WDR72: variants seen among roughly 807,000 people sequenced by gnomAD.
The protein encoded by WDR72 is WD repeat domain 72.
In WDR72, 120 loss-of-function variants were observed where a neutral mutation model predicts 124.2. The observed-to-expected ratio is 0.97, with a 90% CI of 0.83 to 1.12. WDR72 has a LOEUF of 1.12. WDR72 is among the 50% of genes most tolerant of loss of function. The pLI is 0.00. For missense variants in WDR72, 1,387 were observed against 1,278.8 expected (o/e 1.08, Z -1.29); for synonymous variants, 452 against 441.7 (o/e 1.02, Z -0.29).
Position 53,555,089 on chromosome 15 carries a change from C to T in WDR72, c.3149-31767G>A, listed in dbSNP as rs562766225. Among the ~76,000 whole-genome samples the T allele has an allele frequency of 3.3e-5, 5 of 151,936 alleles. No homozygotes were observed. In the East Asian group the frequency reaches 5.8e-4, roughly 18 times the overall value. The stretch of plus-strand genomic sequence containing the variant: ...CATTTTGGAGTCAAGGAAACTGATA[C>T]GGAGAGATTTAATGATTCATCTGAG... On this transcript the variant is annotated intron_variant, in intron 18 of 19. Transcript: ENST00000360509.
chr15:53,755,808 C>A (rs749600089), intron 1 of WDR72, among the ~76,000 whole-genome samples: 2 of 152,192 alleles, frequency 1.3e-5, no homozygotes, highest in African/African-American at 2.4e-5. Context: ...AGAAGAGTTT[C>A]TCCAAGGAAG....
At chr15:53,612,103 T>C (rs2013564574) in intron 16 of WDR72, among the ~76,000 whole-genome samples, 1 of 152,146 alleles carries the variant, frequency 6.6e-6, no homozygotes. Flanking sequence ...AGCTGGATCT[T>C]GAATCTCAGC....
intron 19 of WDR72, among the ~76,000 whole-genome samples, chr15:53,522,521 T>G (rs982012750): frequency 1.8e-4 from 27 of 152,092 alleles, no homozygotes; most frequent in African/African-American, 5.8e-4. Context: ...ACAAGATTTT[T>G]TGATTCTAAT....
chr15:53,559,926 T>C (rs1276094249), intron 18 of WDR72, among the ~76,000 whole-genome samples: 1 of 151,986 alleles, frequency 6.6e-6, no homozygotes, highest in Non-Finnish European at 1.5e-5. Context: ...ATGATAAGCC[T>C]ATTGGATAAT....
chr15:53,605,145 A>G (rs1393050634), intron 17 of WDR72, among the ~76,000 whole-genome samples: 1 of 152,260 alleles, frequency 6.6e-6, no homozygotes, highest in Non-Finnish European at 1.5e-5. Flanking sequence ...ACTCCATGGA[A>G]TACTATGCAG....
At chr15:53,594,789 C>G (rs933201901) in intron 18 of WDR72, among the ~76,000 whole-genome samples, 1 of 151,318 alleles carries the variant, frequency 6.6e-6, no homozygotes, top group East Asian at 2.0e-4. Flanking sequence ...CTGCACCCCC[C>G]ACCCCCCCAA....
At chr15:53,555,703 G>A (rs1893905356) in intron 18 of WDR72, among the ~76,000 whole-genome samples, 1 of 151,884 alleles carries the variant, frequency 6.6e-6, no homozygotes, top group Admixed American at 6.6e-5. Flanking sequence ...TGATTTATTT[G>A]TTTTACATTC....
intron 13 of WDR72, among the ~76,000 whole-genome samples, chr15:53,683,217 CA>C (rs1445008721): frequency 6.6e-6 from 1 of 152,108 alleles, no homozygotes; most frequent in Admixed American, 6.5e-5. Flanking sequence ...GACACAGAGC[CA>C]AACCCTATCA....
chr15:53,759,691 G>A (rs371741068), upstream of WDR72: 1,517 of 150,068 alleles, frequency 0.01, 19 homozygotes, highest in South Asian at 0.031. Flanking sequence ...CTCGCCCTTA[G>A]GGTCACGGGT....
intron 1 of WDR72, among the ~76,000 whole-genome samples, chr15:53,750,909 TGAGCA>T (rs1355151985): frequency 2.6e-5 from 4 of 152,150 alleles, no homozygotes; most frequent in African/African-American, 9.7e-5. Context: ...TTCTTATGAA[TGAGCA>T]AAGAAAGTGG....
intron 18 of WDR72, among the ~76,000 whole-genome samples, chr15:53,573,128 T>C (rs1894613981): frequency 1.3e-5 from 2 of 152,194 alleles, no homozygotes; most frequent in South Asian, 4.1e-4. Flanking sequence ...GTTTATTTGA[T>C]TTTTGTCACA....
chr15:53,525,085 C>T (rs772543385), intron 18 of WDR72, among the ~76,000 whole-genome samples: 2 of 151,960 alleles, frequency 1.3e-5, no homozygotes, highest in Non-Finnish European at 2.9e-5. Flanking sequence ...GATGTGTGGC[C>T]TAAGTAGTTA....
At chr15:53,686,480 G>A (rs2016629535) in intron 13 of WDR72, among the ~76,000 whole-genome samples, 1 of 151,492 alleles carries the variant, frequency 6.6e-6, no homozygotes, top group South Asian at 2.1e-4. Context: ...TTACATAATG[G>A]TAAAGGGATC....
At chr15:53,721,019 G>C (rs10518737) in intron 3 of WDR72, among the ~76,000 whole-genome samples, 7,800 of 152,216 alleles carry the variant, frequency 0.051, 299 homozygotes, top group Non-Finnish European at 0.062. Flanking sequence ...AGCCTAGTAG[G>C]AGTAATAATT....
intron 18 of WDR72, 131 bp downstream of exon 18, chr15:53,596,948 G>C: frequency 1.2e-6 from 1 of 860,582 alleles, no homozygotes; most frequent in Non-Finnish European, 1.9e-6. Flanking sequence ...AAGTCAAGGA[G>C]ACTAGTGAAT....
chr15:53,656,869 C>CCCAATAAAT (rs2015437228), intron 14 of WDR72, among the ~76,000 whole-genome samples: 1 of 151,838 alleles, frequency 6.6e-6, no homozygotes, highest in Non-Finnish European at 1.5e-5. Flanking sequence ...GAATTTGGAC[C>CCCAATAAAT]CCAATAAATA....
At chr15:53,750,253 T>C (rs1057135288) in intron 1 of WDR72, among the ~76,000 whole-genome samples, 1 of 152,158 alleles carries the variant, frequency 6.6e-6, no homozygotes, top group Non-Finnish European at 1.5e-5. Context: ...TGCTCATTTA[T>C]CATTCTAACA....
Position 53,514,143 on chromosome 15 carries a change from C to CA in WDR72, c.*3555dup, listed in dbSNP as rs1474661726. 1 of 151,952 alleles carries CA rather than the reference C, an allele frequency of 6.6e-6. No individual in the cohort carries two copies. The highest frequency in any genetic ancestry group is 2.4e-5 in the African/African-American group (1 of 41,378). 9.4% of individuals were successfully genotyped at this position (151,952 alleles called of 1,614,324 possible). On this transcript the variant is annotated 3_prime_UTR_variant, in exon 20 of 20. Transcript: ENST00000360509. The stretch of plus-strand genomic sequence containing the variant: ...TGGTTAAGCTAATTTTTTAAAATTA[C>CA]AAAAAACACTAAGTATTATGCAAAT...
chr15:53,726,400 A>G (rs922889976), intron 2 of WDR72, among the ~76,000 whole-genome samples: 3 of 151,232 alleles, frequency 2.0e-5, no homozygotes. Flanking sequence ...TGTACCTTCC[A>G]GTCAGTTTTG....
Sources: gnomAD v4.1 joint callset for allele counts (sites outside exome capture counted in the v4.1 genomes callset) on GRCh38, gnomAD v4.1.1 for gene constraint, MANE v1.5 for transcripts, NCBI Gene and HGNC (gene_info 2026-07-23, HGNC 2026-07-21) for gene names.